FHIT: variants seen among roughly 807,000 people sequenced by gnomAD.
FHIT encodes fragile histidine triad diadenosine triphosphatase.
FHIT carries 19 observed loss-of-function variants against 17.9 expected under a neutral mutation model. The ratio of observed to expected loss-of-function variants is 1.06; its 90% CI spans 0.74 to 1.56. FHIT has a LOEUF of 1.56. Among genes scored for constraint, FHIT ranks in the 40% most tolerant of loss-of-function variants. The pLI is 0.00. For missense variants in FHIT, 248 were observed against 189.2 expected (o/e 1.31, Z -1.82); for synonymous variants, 81 against 69.7 (o/e 1.16, Z -0.81).
rs75659113 is a variant in FHIT at position 61,077,567 on chromosome 3, C to G, written c.-163-35468G>C. Among the ~76,000 whole-genome samples the G allele has an allele frequency of 4.9e-3, 745 of 152,226 alleles. 4 individuals carry two copies. The highest frequency in any genetic ancestry group is 7.4e-3 in the Non-Finnish European group (504 of 68,004). On this transcript the variant is annotated intron_variant, in intron 2 of 9. Transcript: ENST00000492590. ...GGAATGTATCACCCCTACTTCCTCC[C>G]CACTGATCTTAGAAGAATCCTAAGT...
chr3:61,086,036 A>G (rs1024790597), intron 2 of FHIT, among the ~76,000 whole-genome samples: 6 of 152,136 alleles, frequency 3.9e-5, no homozygotes, highest in African/African-American at 1.4e-4. Context: ...AATTTACATA[A>G]TTATATGTTC....
At chr3:60,347,067 TG>T (rs1431796306) in intron 5 of FHIT, among the ~76,000 whole-genome samples, 8 of 1,760 alleles carry the variant, frequency 4.5e-3, no homozygotes, top group Non-Finnish European at 8.7e-3. Context: ...ATGATATTCT[TG>T]AATTTTTTTT....
At chr3:59,972,147 G>A (rs1188994955) in intron 7 of FHIT, among the ~76,000 whole-genome samples, 1 of 152,006 alleles carries the variant, frequency 6.6e-6, no homozygotes, top group Non-Finnish European at 1.5e-5. Flanking sequence ...AGTGAGGATG[G>A]GTACTCAGAA....
chr3:59,763,561 A>G (rs1046011317), intron 8 of FHIT, among the ~76,000 whole-genome samples: 2 of 152,222 alleles, frequency 1.3e-5, no homozygotes, highest in African/African-American at 4.8e-5. Context: ...TGTATTTTAT[A>G]GTGTAATAGT....
intron 5 of FHIT, among the ~76,000 whole-genome samples, chr3:60,517,309 T>C (rs913716017): frequency 1.3e-5 from 2 of 152,244 alleles, no homozygotes; most frequent in African/African-American, 4.8e-5. Context: ...ATTATTGCCA[T>C]ATATGATGCA....
At chr3:60,045,152 G>C (rs1259555663) in intron 5 of FHIT, among the ~76,000 whole-genome samples, 2 of 152,146 alleles carry the variant, frequency 1.3e-5, no homozygotes, top group Admixed American at 6.5e-5. Context: ...AGTAATGTGA[G>C]TATGTTTAAC....
At chr3:59,829,476 G>T (rs1306228253) in intron 8 of FHIT, among the ~76,000 whole-genome samples, 1 of 152,204 alleles carries the variant, frequency 6.6e-6, no homozygotes, top group East Asian at 1.9e-4. Flanking sequence ...TCAGCCAGAA[G>T]AATCTATGCC....
At chr3:60,234,702 C>T (rs1224513964) in intron 5 of FHIT, among the ~76,000 whole-genome samples, 2 of 152,078 alleles carry the variant, frequency 1.3e-5, no homozygotes, top group African/African-American at 4.8e-5. Flanking sequence ...TTCCCATTGA[C>T]CTATAGGGCT....
intron 5 of FHIT, among the ~76,000 whole-genome samples, chr3:60,442,028 T>C (rs2107335250): frequency 6.6e-6 from 1 of 151,190 alleles, no homozygotes; most frequent in East Asian, 2.0e-4. Flanking sequence ...CTGACTAATT[T>C]TTTTAACTTA....
intron 8 of FHIT, among the ~76,000 whole-genome samples, chr3:59,876,333 C>T (rs1703157603): frequency 6.6e-6 from 1 of 152,062 alleles, no homozygotes; most frequent in Non-Finnish European, 1.5e-5. Flanking sequence ...TTAAAATCTT[C>T]TAGTATGGAT....
chr3:61,208,304 G>T (rs922112075), intron 1 of FHIT, among the ~76,000 whole-genome samples: 2 of 152,056 alleles, frequency 1.3e-5, no homozygotes, highest in African/African-American at 2.4e-5. Context: ...GATATGGGGT[G>T]GAGAGTTCTC....
At chr3:60,485,898 A>G (rs76528843) in intron 5 of FHIT, among the ~76,000 whole-genome samples, 401 of 152,116 alleles carry the variant, frequency 2.6e-3, no homozygotes, top group Non-Finnish European at 4.8e-3. Context: ...TATAATTACT[A>G]ATTACTAATT....
rs554962725 is a variant in FHIT, at chr3:60,449,161, C to G, written c.103+87699G>C. 8.7e-4 allele frequency among the ~76,000 whole-genome samples: 133 copies of G among 152,254 alleles called. 1 individual carries two copies. Among genetic ancestry groups the G allele is most frequent in the African/African-American group, 3.1e-3 (130 of 41,548 alleles). ...AGTATCTTTGAGAGGGAAAAACTCG[C>G]TTTGATTGCCTAGGTACTTCAAGCT... On this transcript the variant is annotated intron_variant, in intron 5 of 9. Transcript: ENST00000492590.
At chr3:60,000,320 C>G (rs1221143637) in intron 7 of FHIT, among the ~76,000 whole-genome samples, 1 of 152,202 alleles carries the variant, frequency 6.6e-6, no homozygotes, top group Non-Finnish European at 1.5e-5. Context: ...CCAAATTTGG[C>G]CCACCATCTG....
At chr3:60,099,457 C>T (rs1704101485) in intron 5 of FHIT, among the ~76,000 whole-genome samples, 1 of 152,148 alleles carries the variant, frequency 6.6e-6, no homozygotes, top group South Asian at 2.1e-4. Flanking sequence ...CAAGGTCACT[C>T]AGCTGGGATT....
intron 2 of FHIT, among the ~76,000 whole-genome samples, chr3:61,075,699 A>C (rs2034952227): frequency 6.6e-6 from 1 of 152,078 alleles, no homozygotes; most frequent in Admixed American, 6.6e-5. Context: ...ATACATTTTA[A>C]TACATTTTGA....
chr3:60,870,060 C>T (rs1008115383), intron 3 of FHIT, among the ~76,000 whole-genome samples: 1 of 152,104 alleles, frequency 6.6e-6, no homozygotes, highest in Non-Finnish European at 1.5e-5. Context: ...GTGCACAACA[C>T]AATCTGTTGA....
chr3:60,157,782 C>G (rs1700765421), intron 5 of FHIT, among the ~76,000 whole-genome samples: 2 of 152,158 alleles, frequency 1.3e-5, no homozygotes, highest in African/African-American at 4.8e-5. Flanking sequence ...GCCACAGGAA[C>G]TGGAAACTAT....
chr3:59,768,188 C>G (rs963771525), intron 8 of FHIT, among the ~76,000 whole-genome samples: 1 of 152,150 alleles, frequency 6.6e-6, no homozygotes, highest in African/African-American at 2.4e-5. Context: ...CGTGGGTTCT[C>G]TTATTTAAAA....
Sources: allele counts gnomAD v4.1 joint callset (sites outside exome capture counted in the v4.1 genomes callset), GRCh38; gene constraint gnomAD v4.1.1; transcripts MANE v1.5; gene names NCBI Gene and HGNC (gene_info 2026-07-23, HGNC 2026-07-21).